Variants in PIGA observed in about 807,000 individuals in gnomAD.
PIGA encodes the protein phosphatidylinositol glycan anchor biosynthesis class A.
In PIGA, 3 loss-of-function variants were observed where a neutral mutation model predicts 17.1. That is an observed-to-expected ratio of 0.18 (90% CI 0.08 to 0.45). The LOEUF (loss-of-function observed/expected upper bound fraction) is 0.45. Among genes scored for constraint, PIGA ranks in the 20% least tolerant of loss-of-function variants. The pLI is 0.99. For missense variants in PIGA, 231 were observed against 374.1 expected, an observed-to-expected ratio of 0.62 and a Z score of 3.16; for synonymous variants, 126 against 135.1, an observed-to-expected ratio of 0.93 and a Z score of 0.47.
intron 5 of PIGA, among the ~76,000 whole-genome samples, chrX:15,323,827 C>A (rs1483312285): frequency 8.9e-6 from 1 of 111,828 alleles, no homozygotes; most frequent in Non-Finnish European, 1.9e-5. Flanking sequence ...GGTAGCATTA[C>A]TCTAAACTAC....
chrX:15,329,633 T>C (rs960633755), intron 2 of PIGA, among the ~76,000 whole-genome samples: 4 of 111,595 alleles, frequency 3.6e-5, no homozygotes, highest in African/African-American at 1.3e-4. Context: ...TTTTTTTTAA[T>C]GATTCCCTAC....
At position 15,321,612 on chromosome X, in the gene PIGA, A is replaced by G. The variant is rs1921818175; in HGVS notation, c.1349T>C (p.Ile450Thr). The change falls in exon 6 of 6, where the codon ATC (isoleucine) becomes ACC (threonine). Residue 450 changes from isoleucine (I) to threonine (T), a missense_variant. Ile to Thr is a moderately conservative substitution (Grantham distance 89, BLOSUM62 -1). Coordinates refer to ENST00000333590, the MANE Select transcript of PIGA (RefSeq NM_002641.4). ...IFLRWMTPDS[I>T]IDVAIDATGP... Reference sequence around the variant, plus strand: ...AGTGGCATCTATTGCAACATCAATGATAGAATCTGGAGTCATCCATCTCAA... The same window carrying G: ...AGTGGCATCTATTGCAACATCAATGGTAGAATCTGGAGTCATCCATCTCAA... 1 of 1,208,573 alleles carries G rather than the reference A, an allele frequency of 8.3e-7. No individual in the cohort carries two copies. Among genetic ancestry groups the G allele is most frequent in the African/African-American group, 1.7e-5 (1 of 57,261 alleles).
chrX:15,334,629 T>C (rs1357854104), intron 1 of PIGA, among the ~76,000 whole-genome samples: 1 of 112,101 alleles, frequency 8.9e-6, no homozygotes, highest in Non-Finnish European at 1.9e-5. Flanking sequence ...ATTTTCTTAC[T>C]GTGGTCACCT....
At position 15,319,592 on chromosome X, in the gene PIGA, C is replaced by T. The variant is rs1246652746; in HGVS notation, c.*1914G>A. The T allele has an allele frequency of 8.9e-6, 1 of 112,007 alleles. No homozygotes were observed. Among genetic ancestry groups the T allele is most frequent in the Non-Finnish European group, 1.9e-5 (1 of 53,219 alleles). 9.2% of individuals were successfully genotyped at this position (112,007 alleles called of 1,213,427 possible). On this transcript the variant is annotated 3_prime_UTR_variant, in exon 6 of 6. Coordinates refer to ENST00000333590, the MANE Select transcript of PIGA (RefSeq NM_002641.4). ...CAAATTTCTCATCACTGTAAATTCACTTTAAAATCAACTAAGTAGCAGGGT... is the reference window on the plus strand; with the variant it reads ...CAAATTTCTCATCACTGTAAATTCATTTTAAAATCAACTAAGTAGCAGGGT...
Position 15,319,877 on chromosome X carries a change from G to A in PIGA, c.*1629C>T, listed in dbSNP as rs1277725416. 8.9e-6 allele frequency: 1 copy of A among 111,929 alleles called. No homozygotes were observed. Among genetic ancestry groups the A allele is most frequent in the Non-Finnish European group, 1.9e-5 (1 of 53,154 alleles). The allele number at this position is 111,929 out of a possible 1,213,427, so 9.2% of individuals were successfully genotyped here. A position where few individuals can be genotyped will look rare whatever the true frequency, so the allele number is the denominator to read the frequency against. On this transcript the variant is annotated 3_prime_UTR_variant, in exon 6 of 6. Coordinates refer to ENST00000333590, the MANE Select transcript of PIGA (RefSeq NM_002641.4). ...AGCAAAAATATAAGGAAAAAATGGT[G>A]GCATGCCTCTAAAACCTGTTGAATA... is the stretch of plus-strand genomic sequence containing the variant.
At chrX:15,326,626 G>C (rs755002887) in intron 2 of PIGA, among the ~76,000 whole-genome samples, 1 of 112,158 alleles carries the variant, frequency 8.9e-6, no homozygotes, top group Non-Finnish European at 1.9e-5. Flanking sequence ...AAATGTGGCT[G>C]GTACAGAGAA....
intron 2 of PIGA, among the ~76,000 whole-genome samples, chrX:15,329,581 T>C (rs1021707484): frequency 1.8e-5 from 2 of 111,555 alleles, no homozygotes; most frequent in Non-Finnish European, 3.8e-5. Context: ...ATTTTGAGTT[T>C]AATTCAAATA....
Position 15,321,452 on chromosome X carries a change from T to C in PIGA, c.*54A>G. The C allele has an allele frequency of 1.9e-6, 2 of 1,069,514 alleles. No homozygotes were observed. Among genetic ancestry groups the C allele is most frequent in the African/African-American group, 1.9e-5 (1 of 53,947 alleles). 88.1% of individuals were successfully genotyped at this position (1,069,514 alleles called of 1,213,427 possible). A position where few individuals can be genotyped will look rare whatever the true frequency, so the allele number is the denominator to read the frequency against. ...CCCCCAAAAGCAAGGTTATTTTCCA[T>C]AGTCTTTATAGAACTATTACAAATG... On this transcript the variant is annotated 3_prime_UTR_variant, in exon 6 of 6. Coordinates refer to ENST00000333590, the MANE Select transcript of PIGA (RefSeq NM_002641.4).
At position 15,326,024 on chromosome X, in the gene PIGA, T is replaced by C; in HGVS notation, c.738A>G (p.Ile246Met). 8.7e-7 allele frequency: 1 copy of C among 1,153,875 alleles called. No individual in the cohort carries two copies. The highest frequency in any genetic ancestry group is 1.2e-6 in the Non-Finnish European group (1 of 847,640). The change falls in exon 3 of 6, where the codon ATA becomes ATG. Residue 246 changes from isoleucine to methionine, a missense_variant. Ile to Met is a conservative substitution (Grantham distance 10, BLOSUM62 1). Coordinates refer to ENST00000333590, the MANE Select transcript of PIGA (RefSeq NM_002641.4). ...YRKGIDLLSG[I>M]IPELCQKYPD... Reference sequence around the variant, plus strand: ...GATATTTCTGACAGAGTTCAGGTATTATACCACTAAGCAAATCGATCCCTG... The same window carrying C: ...GATATTTCTGACAGAGTTCAGGTATCATACCACTAAGCAAATCGATCCCTG...
In PIGA at chrX:15,331,878, G is replaced by T. The variant is rs769125619; in HGVS notation, c.53C>A (p.Ser18Tyr). The change falls in exon 2 of 6, where the codon TCT becomes TAT. Residue 18 changes from serine (S) to tyrosine (Y), a missense_variant. Ser to Tyr is a moderately radical substitution (Grantham distance 144, BLOSUM62 -2). This residue lies in a region of PIGA where 29 missense variants were observed against 28.1 expected (regional missense o/e 1.03). Transcript: ENST00000333590. ...GTAAAGACTTCCAGGGCTAACCCGA[G>T]AGAGTGTAGCTGAGGCACGGTGGCC... ...GNGHRASATLSRVSPGSLYTC... is the reference protein window; with the variant it reads ...GNGHRASATLYRVSPGSLYTC... The T allele has an allele frequency of 3.3e-6, 4 of 1,209,207 alleles. No homozygotes were observed. In the East Asian group the frequency reaches 1.2e-4, roughly 36 times the overall value.
chrX:15,321,451 A>G lies in PIGA; in HGVS notation c.*55T>C, dbSNP rs184099983. On this transcript the variant is annotated 3_prime_UTR_variant, in exon 6 of 6. Coordinates refer to ENST00000333590, the MANE Select transcript of PIGA (RefSeq NM_002641.4). Reference sequence around the variant, plus strand: ...CCCCCCAAAAGCAAGGTTATTTTCCATAGTCTTTATAGAACTATTACAAAT... The same window carrying G: ...CCCCCCAAAAGCAAGGTTATTTTCCGTAGTCTTTATAGAACTATTACAAAT... The G allele has an allele frequency of 1.4e-5, 15 of 1,066,698 alleles. No individual in the cohort carries two copies. The East Asian group carries it at 3.9e-4, about 28-fold the overall frequency. 87.9% of individuals were successfully genotyped at this position (1,066,698 alleles called of 1,213,427 possible). A position where few individuals can be genotyped will look rare whatever the true frequency, so the allele number is the denominator to read the frequency against.
chrX:15,330,633 C>T (rs1193206261), intron 2 of PIGA, among the ~76,000 whole-genome samples: 2 of 111,262 alleles, frequency 1.8e-5, no homozygotes, highest in East Asian at 5.6e-4. Flanking sequence ...GACGGAGTCT[C>T]GTTATGTCGC....
At chrX:15,332,466 A>G (rs1434805873) in intron 1 of PIGA, among the ~76,000 whole-genome samples, 1 of 112,546 alleles carries the variant, frequency 8.9e-6, no homozygotes, top group Non-Finnish European at 1.9e-5. Flanking sequence ...TGAGTTATCA[A>G]CTCCATCTTA....
upstream of PIGA, chrX:15,335,549 G>A (rs1922315399): frequency 6.2e-6 from 6 of 960,263 alleles, no homozygotes; most frequent in East Asian, 2.1e-4. Context: ...GGCTGCAGCC[G>A]GAGTCCCTCC....
intron 1 of PIGA, among the ~76,000 whole-genome samples, chrX:15,332,539 G>GT (rs1188607007): frequency 8.9e-6 from 1 of 112,348 alleles, no homozygotes; most frequent in East Asian, 2.8e-4. Context: ...GTGCTTAGAG[G>GT]TAACACAATG....
Position 15,331,607 on chromosome X carries a change from G to A in PIGA, c.324C>T (p.His108=). Residue 108 remains histidine, a synonymous_variant, in exon 2 of 6, where the codon CAC becomes CAT. Transcript: ENST00000333590. ...ATATGTACCTGAGCAATGGCAGACT[G>A]TGAAAGAGGGTCGTGGCTGTAGACT... is the stretch of plus-strand genomic sequence containing the variant. ...YNQSTATTLF[H]SLPLLRYIFV... is the part of the protein sequence containing the mutation. The A allele has an allele frequency of 8.3e-7, 1 of 1,212,063 alleles. No homozygotes were observed. The highest frequency in any genetic ancestry group is 1.1e-6 in the Non-Finnish European group (1 of 895,468).
At position 15,331,834 on chromosome X, in the gene PIGA, G is replaced by A. The variant is rs1437373629; in HGVS notation, c.97C>T (p.His33Tyr). Residue 33 changes from histidine (H) to tyrosine (Y), a missense_variant, in exon 2 of 6, where the codon CAT becomes TAT. By Grantham distance (83) the His-to-Tyr change is moderately conservative (BLOSUM62 2). Around this residue, in one of 5 missense-constraint regions of PIGA, gnomAD observed 29 missense variants for 28.1 expected, o/e 1.03. Transcript: ENST00000333590. ...AAGTCAGATACCATGCATATATTATGGGTACGGGTTCTACATGTGTAAAGA... is the reference window on the plus strand; with the variant it reads ...AAGTCAGATACCATGCATATATTATAGGTACGGGTTCTACATGTGTAAAGA... ...GSLYTCRTRT[H>Y]NICMVSDFFY... 1 of 1,211,724 alleles carries A rather than the reference G, an allele frequency of 8.3e-7. No individual in the cohort carries two copies. Among genetic ancestry groups the A allele is most frequent in the Non-Finnish European group, 1.1e-6 (1 of 895,377 alleles).
chrX:15,334,727 T>C (rs1294352413), intron 1 of PIGA, among the ~76,000 whole-genome samples: 2 of 112,068 alleles, frequency 1.8e-5, no homozygotes, highest in Admixed American at 1.9e-4. Context: ...ATTTAAAATG[T>C]TGTCATTAGC....
intron 3 of PIGA, 41 bp from the exon 4 acceptor site, chrX:15,325,193 C>T: frequency 8.9e-7 from 1 of 1,120,872 alleles, no homozygotes. Context: ...AGTGAAAACT[C>T]ATGCTACAAA....
Sources: gnomAD v4.1 joint callset for allele counts (sites outside exome capture counted in the v4.1 genomes callset) on GRCh38, gnomAD v4.1.1 for gene constraint, gnomAD v4.1.1 regional missense constraint, MANE v1.5 for transcripts, NCBI Gene and HGNC (gene_info 2026-07-23, HGNC 2026-07-21) for gene names.